THSD7B: variants seen among roughly 807,000 people sequenced by gnomAD.
THSD7B encodes thrombospondin type-1 domain-containing protein 7B.
A neutral mutation model predicts 213.6 loss-of-function variants in THSD7B; 138 were observed. The observed-to-expected ratio is 0.65, with a 90% CI of 0.56 to 0.74. The LOEUF is 0.74. Among genes scored for constraint, THSD7B ranks in the 30% least tolerant of loss-of-function variants. The pLI is 0.00. For missense variants in THSD7B, 1,931 were observed against 1,991.5 expected, an observed-to-expected ratio of 0.97 and a Z score of 0.58; for synonymous variants, 742 against 687.0, an observed-to-expected ratio of 1.08 and a Z score of -1.25.
intron 1 of THSD7B, among the ~76,000 whole-genome samples, chr2:136,871,354 G>A (rs1683429754): frequency 6.6e-6 from 1 of 152,190 alleles, no homozygotes; most frequent in African/African-American, 2.4e-5. Context: ...AGCAAAGCTA[G>A]AGAAGAGGAG....
intron 17 of THSD7B, among the ~76,000 whole-genome samples, chr2:137,605,793 T>C (rs540917907): frequency 2.6e-5 from 4 of 151,384 alleles, no homozygotes; most frequent in Non-Finnish European, 5.9e-5. Flanking sequence ...CTCAGCCTCC[T>C]GAGTAGCTGG....
At chr2:137,115,029 A>G (rs955589983) in intron 4 of THSD7B, 95 bp from the exon 5 acceptor site, 2 of 1,392,874 alleles carry the variant, frequency 1.4e-6, no homozygotes, top group Non-Finnish European at 2.0e-6. Context: ...CTAGAAAGAG[A>G]GATTATGCCT....
intron 1 of THSD7B, among the ~76,000 whole-genome samples, chr2:136,803,911 T>C (rs1007531066): frequency 6.6e-6 from 1 of 152,190 alleles, no homozygotes; most frequent in Non-Finnish European, 1.5e-5. Flanking sequence ...CTCTGCCTTT[T>C]TGTTCTATCG....
chr2:136,775,000 T>C (rs896872496), intron 1 of THSD7B, among the ~76,000 whole-genome samples: 12 of 152,242 alleles, frequency 7.9e-5, no homozygotes, highest in East Asian at 3.9e-4. Context: ...ATAGAGTAGA[T>C]ACACGCAAGA....
At chr2:137,294,469 G>C (rs1379872181) in intron 12 of THSD7B, among the ~76,000 whole-genome samples, 1 of 151,230 alleles carries the variant, frequency 6.6e-6, no homozygotes, top group South Asian at 2.1e-4. Context: ...TGTAATCCCA[G>C]CTACTTTGGA....
intron 3 of THSD7B, among the ~76,000 whole-genome samples, chr2:137,076,809 GTTTA>G (rs911107114): frequency 4.0e-5 from 6 of 151,754 alleles, no homozygotes; most frequent in Non-Finnish European, 5.9e-5. Flanking sequence ...ACAGTATATT[GTTTA>G]TTTGTTTTTT....
intron 15 of THSD7B, among the ~76,000 whole-genome samples, chr2:137,526,734 G>A (rs913855224): frequency 6.6e-6 from 1 of 151,950 alleles, no homozygotes; most frequent in African/African-American, 2.4e-5. Flanking sequence ...AGTTTAATTA[G>A]TTTTTATTTA....
chr2:137,222,815 G>A (rs565423090), intron 7 of THSD7B, among the ~76,000 whole-genome samples: 1 of 152,252 alleles, frequency 6.6e-6, no homozygotes, highest in East Asian at 1.9e-4. Context: ...AAGGCCAAAG[G>A]ACTGGAGTGT....
chr2:137,569,029 G>C (rs13383804), intron 16 of THSD7B, among the ~76,000 whole-genome samples: 1 of 151,992 alleles, frequency 6.6e-6, no homozygotes, highest in African/African-American at 2.4e-5. Flanking sequence ...AGATTGTCCA[G>C]TGGGAAAAAT....
chr2:137,102,569 G>T (rs1419767935), intron 4 of THSD7B, among the ~76,000 whole-genome samples: 2 of 152,172 alleles, frequency 1.3e-5, no homozygotes, highest in Non-Finnish European at 2.9e-5. Context: ...GGCTTCAGAA[G>T]ATGGGTAATA....
Position 137,209,115 on chromosome 2 carries a change from G to A in THSD7B, c.1724-21929G>A, listed in dbSNP as rs191609883. Reference sequence around the variant, plus strand: ...TCAAAGTTAGCTCAGTTTATTCCCAGGAATGACCAAGGACAGCTTGGAGGT... The same window carrying A: ...TCAAAGTTAGCTCAGTTTATTCCCAAGAATGACCAAGGACAGCTTGGAGGT... On this transcript the variant is annotated intron_variant, in intron 7 of 27. Transcript: ENST00000409968. Among the ~76,000 whole-genome samples, 10 of 152,134 alleles carry A rather than the reference G, an allele frequency of 6.6e-5. 1 individual carries two copies. The East Asian group carries it at 1.9e-3, about 30-fold the overall frequency.
chr2:136,953,781 T>G (rs976717015), intron 2 of THSD7B, among the ~76,000 whole-genome samples: 1 of 152,196 alleles, frequency 6.6e-6, no homozygotes, highest in African/African-American at 2.4e-5. Flanking sequence ...AATCCTTAAA[T>G]AGCTTTTCAG....
chr2:136,952,027 G>A (rs576237183), intron 2 of THSD7B, among the ~76,000 whole-genome samples: 3 of 151,848 alleles, frequency 2.0e-5, no homozygotes, highest in South Asian at 2.1e-4. Context: ...GCACCATCAC[G>A]CCCAGCTAAT....
intron 3 of THSD7B, among the ~76,000 whole-genome samples, chr2:137,069,112 A>G (rs1558907098): frequency 6.6e-6 from 1 of 151,900 alleles, no homozygotes; most frequent in Non-Finnish European, 1.5e-5. Context: ...TTTTGCTTTT[A>G]CTTGTCTCAG....
intron 12 of THSD7B, among the ~76,000 whole-genome samples, chr2:137,357,766 C>T (rs1685166722): frequency 6.6e-6 from 1 of 152,156 alleles, no homozygotes; most frequent in Non-Finnish European, 1.5e-5. Context: ...CATTGATTAA[C>T]AGTGCTATAG....
At chr2:137,498,589 TA>T (rs1341093616) in intron 15 of THSD7B, among the ~76,000 whole-genome samples, 1 of 151,694 alleles carries the variant, frequency 6.6e-6, no homozygotes, top group Admixed American at 6.6e-5. Context: ...TGGATGGGGG[TA>T]TTTTTTTTTT....
At chr2:137,041,478 G>A (rs1686880540) in intron 2 of THSD7B, among the ~76,000 whole-genome samples, 1 of 151,438 alleles carries the variant, frequency 6.6e-6, no homozygotes, top group South Asian at 2.1e-4. Context: ...ACAGAAGAAT[G>A]TATACATGCA....
At position 137,583,370 on chromosome 2, in the gene THSD7B, T is replaced by C. The variant is rs182826029; in HGVS notation, c.3423+10814T>C. ...AGATCCCATTTGTCAATTTTGGCTT[T>C]TGTTGCCGTTGTTTTTGGTGTTTTA... is the stretch of plus-strand genomic sequence containing the variant. On this transcript the variant is annotated intron_variant, in intron 17 of 27. Transcript: ENST00000409968. Among the ~76,000 whole-genome samples the C allele has an allele frequency of 5.9e-3, 898 of 152,354 alleles. 9 individuals carry two copies. The highest frequency in any genetic ancestry group is 0.021 in the African/African-American group (854 of 41,576).
At chr2:137,618,977 C>T (rs959177471) in intron 19 of THSD7B, among the ~76,000 whole-genome samples, 1 of 152,152 alleles carries the variant, frequency 6.6e-6, no homozygotes, top group Non-Finnish European at 1.5e-5. Flanking sequence ...TCTTTTCAAC[C>T]TACATTAAAA....
Sources: allele counts gnomAD v4.1 joint callset (sites outside exome capture counted in the v4.1 genomes callset), GRCh38; gene constraint gnomAD v4.1.1; transcripts MANE v1.5; gene names NCBI Gene and HGNC (gene_info 2026-07-23, HGNC 2026-07-21).